The following GRM7 variants were observed in gnomAD, a reference collection of about 807,000 sequenced individuals.
GRM7 encodes glutamate metabotropic receptor 7, also known as metabotropic glutamate receptor 7.
A neutral mutation model predicts 84.5 loss-of-function variants in GRM7; 35 were observed. That is an observed-to-expected ratio of 0.41 (90% CI 0.32 to 0.55). The LOEUF (loss-of-function observed/expected upper bound fraction) is 0.55. Ranked by LOEUF, GRM7 falls within the 20% of genes least tolerant of loss-of-function variation. The probability of loss-of-function intolerance (pLI) is 0.19; values close to 1 mark genes in which losing one functional copy is unlikely to be tolerated. For synonymous variants in GRM7, 487 were observed against 455.1 expected, an observed-to-expected ratio of 1.07 and a Z score of -0.89; for missense variants, 1,003 against 1,194.6, an observed-to-expected ratio of 0.84 and a Z score of 2.36.
intron 1 of GRM7, among the ~76,000 whole-genome samples, chr3:6,916,083 G>A (rs1409866698): frequency 1.3e-5 from 2 of 152,090 alleles, no homozygotes; most frequent in Admixed American, 1.3e-4. Context: ...TCATTGATCT[G>A]GTTACATATT....
At chr3:7,453,784 G>A (rs1301489453) in intron 6 of GRM7, among the ~76,000 whole-genome samples, 2 of 152,082 alleles carry the variant, frequency 1.3e-5, no homozygotes, top group Non-Finnish European at 2.9e-5. Context: ...TACACAAAGG[G>A]TATAATCTAA....
intron 1 of GRM7, among the ~76,000 whole-genome samples, chr3:7,145,849 C>A (rs1337799737): frequency 6.6e-6 from 1 of 152,126 alleles, no homozygotes; most frequent in African/African-American, 2.4e-5. Context: ...TGTCAATGTG[C>A]AAAGACCACT....
In GRM7 at chr3:6,957,969, C is replaced by G. The variant is rs117445101; in HGVS notation, c.519+96062C>G. Reference sequence around the variant, plus strand: ...AACAGGAGCTCACCTATTTTGGAAGCAGGTGATCAGGGGAACACAGAAGGA... The same window carrying G: ...AACAGGAGCTCACCTATTTTGGAAGGAGGTGATCAGGGGAACACAGAAGGA... On this transcript the variant is annotated intron_variant, in intron 1 of 9. Transcript: ENST00000357716. Among the ~76,000 whole-genome samples, 413 of 152,242 alleles carry G rather than the reference C, an allele frequency of 2.7e-3. 8 individuals carry two copies. Among genetic ancestry groups the G allele is most frequent in the East Asian group, 0.027 (140 of 5,180 alleles).
intron 3 of GRM7, among the ~76,000 whole-genome samples, chr3:7,299,392 T>C (rs1005639418): frequency 2.0e-5 from 3 of 152,216 alleles, no homozygotes; most frequent in Admixed American, 2.0e-4. Context: ...TGTAAATGTC[T>C]GTTGCTTTCT....
rs79344744 is a variant in GRM7 at position 7,571,455 on chromosome 3, C to A, written c.1516-6967C>A. 2.1e-3 allele frequency among the ~76,000 whole-genome samples: 317 copies of A among 152,236 alleles called. 1 individual carries two copies. The highest frequency in any genetic ancestry group is 7.4e-3 in the African/African-American group (309 of 41,542). ...AAAGTTCCACAAATCTCTAGGGCAG[C>A]GGAAAAATGCCACCAAGTCTCTTTG... On this transcript the variant is annotated intron_variant, in intron 7 of 9. Coordinates refer to ENST00000357716, the MANE Select transcript of GRM7 (RefSeq NM_000844.4).
intron 7 of GRM7, among the ~76,000 whole-genome samples, chr3:7,536,460 A>C (rs189964379): frequency 2.6e-5 from 4 of 152,266 alleles, no homozygotes; most frequent in Non-Finnish European, 4.4e-5. Context: ...GCCAGCCAAC[A>C]AGATAACCCT....
chr3:7,382,241 G>A (rs141905003), intron 4 of GRM7, among the ~76,000 whole-genome samples: 1 of 152,068 alleles, frequency 6.6e-6, no homozygotes, highest in East Asian at 1.9e-4. Context: ...TAATTATCAG[G>A]TAATCTTATG....
At chr3:7,329,092 T>C (rs1421233037) in intron 4 of GRM7, among the ~76,000 whole-genome samples, 2 of 151,976 alleles carry the variant, frequency 1.3e-5, no homozygotes, top group African/African-American at 4.8e-5. Flanking sequence ...GTTAGTTCTG[T>C]GACATTAGTG....
Position 7,306,572 on chromosome 3 carries a change from C to G in GRM7, c.953C>G (p.Ser318Cys). 6.2e-7 allele frequency: 1 copy of G among 1,613,778 alleles called. No individual in the cohort carries two copies. Among genetic ancestry groups the G allele is most frequent in the Non-Finnish European group, 8.5e-7 (1 of 1,179,802 alleles). Reference protein sequence around the residue: ...FLWVGSDSWGSKINPLHQHED... With the variant: ...FLWVGSDSWGCKINPLHQHED... ...TGGGTGGGATCAGACAGCTGGGGAT[C>G]CAAAATAAACCCACTGCACCAGCAT... is the stretch of plus-strand genomic sequence containing the variant. The change falls in exon 4 of 10, where the codon TCC (serine) becomes TGC (cysteine). Residue 318 changes from serine to cysteine, a missense_variant. By Grantham distance (112) the Ser-to-Cys change is moderately radical (BLOSUM62 -1). Coordinates refer to ENST00000357716, the MANE Select transcript of GRM7 (RefSeq NM_000844.4).
intron 2 of GRM7, among the ~76,000 whole-genome samples, chr3:7,160,592 C>G (rs1246839698): frequency 2.0e-5 from 3 of 152,168 alleles, no homozygotes; most frequent in African/African-American, 7.2e-5. Flanking sequence ...CCCTTGATAT[C>G]TTCTACTCCC....
intron 1 of GRM7, among the ~76,000 whole-genome samples, chr3:7,104,252 C>G (rs1042540961): frequency 2.6e-5 from 4 of 151,394 alleles, no homozygotes; most frequent in African/African-American, 7.3e-5. Context: ...TTCTGTTCTG[C>G]TCTCTTTTAT....
At chr3:6,880,573 A>AT (rs530892069) in intron 1 of GRM7, among the ~76,000 whole-genome samples, 19 of 151,940 alleles carry the variant, frequency 1.3e-4, no homozygotes, top group Middle Eastern at 3.4e-3. Flanking sequence ...TTTATATCTG[A>AT]TTTTTTTTCC....
intron 5 of GRM7, among the ~76,000 whole-genome samples, chr3:7,426,176 A>G (rs532966664): frequency 2.0e-5 from 3 of 151,388 alleles, no homozygotes; most frequent in Non-Finnish European, 2.9e-5. Context: ...CTGGAATGCA[A>G]TGGTGCGATC....
chr3:7,169,012 T>C (rs1694897514), intron 2 of GRM7, among the ~76,000 whole-genome samples: 1 of 152,220 alleles, frequency 6.6e-6, no homozygotes, highest in African/African-American at 2.4e-5. Context: ...ATGTATGCAT[T>C]TAGAAACTTT....
rs113080626 is a variant in GRM7, at chr3:7,105,354, G to C, written c.520-41098G>C. Among the ~76,000 whole-genome samples, 364 of 151,986 alleles carry C rather than the reference G, an allele frequency of 2.4e-3. 2 individuals are homozygous for C. Among genetic ancestry groups the C allele is most frequent in the African/African-American group, 8.5e-3 (352 of 41,534 alleles). On this transcript the variant is annotated intron_variant, in intron 1 of 9. Coordinates refer to ENST00000357716, the MANE Select transcript of GRM7 (RefSeq NM_000844.4). ...CTACAACCATCTATCCAGGGATCCA[G>C]CTGCAAAGTTGCAAGACATCAGAAG... is the stretch of plus-strand genomic sequence containing the variant.
rs577579754 is a variant in GRM7, at chr3:7,255,764, C to T, written c.737-42920C>T. On this transcript the variant is annotated intron_variant, in intron 2 of 9. Coordinates refer to ENST00000357716, the MANE Select transcript of GRM7 (RefSeq NM_000844.4). ...CTGAATAATTTCCTTATAATTGACA[C>T]GAATTCTATCTGGATTCCACAAAGC... 1.3e-4 allele frequency among the ~76,000 whole-genome samples: 20 copies of T among 152,250 alleles called. No homozygotes were observed. The South Asian group carries it at 3.3e-3, about 25-fold the overall frequency.
At chr3:7,380,265 A>C (rs1694532872) in intron 4 of GRM7, among the ~76,000 whole-genome samples, 1 of 152,222 alleles carries the variant, frequency 6.6e-6, no homozygotes, top group African/African-American at 2.4e-5. Context: ...TAGTTTTAAC[A>C]TTCCATTTTG....
intron 8 of GRM7, chr3:7,607,948 T>C: frequency 4.9e-6 from 1 of 203,992 alleles, no homozygotes; most frequent in Non-Finnish European, 1.1e-5. Context: ...AAGTTCTTAT[T>C]ATTTAGCTTC....
At chr3:7,236,157 T>G (rs1443431174) in intron 2 of GRM7, among the ~76,000 whole-genome samples, 2 of 152,154 alleles carry the variant, frequency 1.3e-5, no homozygotes, top group Non-Finnish European at 2.9e-5. Flanking sequence ...AGCAGAGACC[T>G]CATGACGTGA....
Sources: gnomAD v4.1 joint callset for allele counts (sites outside exome capture counted in the v4.1 genomes callset) on GRCh38, gnomAD v4.1.1 for gene constraint, MANE v1.5 for transcripts, NCBI Gene and HGNC (gene_info 2026-07-23, HGNC 2026-07-21) for gene names.